GABRG3: variants seen among roughly 807,000 people sequenced by gnomAD.
GABRG3 encodes the protein gamma-aminobutyric acid receptor subunit gamma-3.
Under a neutral mutation model 48.8 loss-of-function variants are expected in GABRG3, and 25 were observed. The observed-to-expected ratio is 0.51, with a 90% CI of 0.37 to 0.72. The LOEUF is 0.72. GABRG3 is among the 30% of genes least tolerant of loss of function. The pLI is 0.00. For synonymous variants in GABRG3, 227 were observed against 217.6 expected (o/e 1.04, Z -0.38); for missense variants, 394 against 577.9 (o/e 0.68, Z 3.26).
chr15:27,104,696 G>T (rs1212804276), intron 3 of GABRG3, among the ~76,000 whole-genome samples: 1 of 152,150 alleles, frequency 6.6e-6, no homozygotes, highest in Admixed American at 6.5e-5. Context: ...AAAGCCCCAG[G>T]TGCTGTTTGC....
At chr15:27,282,918 G>A (rs557769019) in intron 3 of GABRG3, among the ~76,000 whole-genome samples, 1 of 152,146 alleles carries the variant, frequency 6.6e-6, no homozygotes, top group African/African-American at 2.4e-5. Flanking sequence ...GTAGGGAGGG[G>A]CATTCCTAAC....
At chr15:27,277,179 A>T (rs1326953072) in intron 3 of GABRG3, among the ~76,000 whole-genome samples, 1 of 152,236 alleles carries the variant, frequency 6.6e-6, no homozygotes, top group Non-Finnish European at 1.5e-5. Flanking sequence ...ACAGAGAGAC[A>T]TCTTGCAAAC....
chr15:27,394,319 AACTT>A (rs1887235094), intron 5 of GABRG3, among the ~76,000 whole-genome samples: 1 of 152,124 alleles, frequency 6.6e-6, no homozygotes, highest in Middle Eastern at 3.2e-3. Context: ...AATTAATACT[AACTT>A]TATTTTAGTA....
At chr15:27,345,550 A>G (rs1436036500) in intron 5 of GABRG3, among the ~76,000 whole-genome samples, 1 of 152,228 alleles carries the variant, frequency 6.6e-6, no homozygotes, top group Non-Finnish European at 1.5e-5. Context: ...TCACACTGTT[A>G]TAATTATTAC....
chr15:27,102,059 C>T (rs7182802), intron 3 of GABRG3, among the ~76,000 whole-genome samples: 33,768 of 151,652 alleles, frequency 0.22, 3,963 homozygotes, highest in East Asian at 0.43. Flanking sequence ...GGCCTCTCTA[C>T]GTCCATGTGA....
chr15:27,390,439 A>C (rs1896185402), intron 5 of GABRG3, among the ~76,000 whole-genome samples: 1 of 152,230 alleles, frequency 6.6e-6, no homozygotes, highest in African/African-American at 2.4e-5. Context: ...TGTTTTGATG[A>C]AATACACAAG....
intron 3 of GABRG3, among the ~76,000 whole-genome samples, chr15:27,192,495 C>T (rs1446651477): frequency 6.6e-6 from 1 of 152,122 alleles, no homozygotes; most frequent in Non-Finnish European, 1.5e-5. Context: ...TCGCTGATAC[C>T]CTTTCTTCCA....
intron 5 of GABRG3, among the ~76,000 whole-genome samples, chr15:27,408,683 G>A (rs1887709840): frequency 6.6e-6 from 1 of 152,116 alleles, no homozygotes; most frequent in Admixed American, 6.6e-5. Context: ...TGACTGCAGA[G>A]GACAATAGAA....
intron 3 of GABRG3, among the ~76,000 whole-genome samples, chr15:27,113,154 AT>A (rs1040268977): frequency 2.7e-5 from 4 of 150,700 alleles, no homozygotes; most frequent in Non-Finnish European, 5.9e-5. Flanking sequence ...GGACTATCTT[AT>A]TTTTTTTCCA....
At chr15:27,299,523 T>G (rs1014273753) in intron 3 of GABRG3, among the ~76,000 whole-genome samples, 3 of 152,166 alleles carry the variant, frequency 2.0e-5, no homozygotes, top group African/African-American at 7.2e-5. Context: ...CAGTGAGAGT[T>G]CTAATGTAAG....
At chr15:27,203,883 A>T (rs72702039) in intron 3 of GABRG3, among the ~76,000 whole-genome samples, 9,360 of 151,464 alleles carry the variant, frequency 0.062, 308 homozygotes, top group South Asian at 0.08. Flanking sequence ...TTTTTAATGG[A>T]GTTGTTTGTT....
rs553122924 is a variant in GABRG3, at chr15:27,352,941, C to T, written c.574+24053C>T. On this transcript the variant is annotated intron_variant, in intron 5 of 9. Coordinates refer to ENST00000615808, the MANE Select transcript of GABRG3 (RefSeq NM_033223.5). This position sits in a 1 kb window ranked among gnomAD's most constrained non-coding sequence, Gnocchi z 4.0. ...ATTGCTGACAATGAGCCATTGAAAG[C>T]GAGTGGATCGTTTGATGGTTGGGTG... Among the ~76,000 whole-genome samples the T allele has an allele frequency of 1.3e-5, 2 of 152,270 alleles. No homozygotes were observed. Among genetic ancestry groups the T allele is most frequent in the African/African-American group, 2.4e-5 (1 of 41,536 alleles).
At position 27,236,289 on chromosome 15, in the gene GABRG3, A is replaced by G. The variant is rs1043467302; in HGVS notation, c.271-90520A>G. Among the ~76,000 whole-genome samples the G allele has an allele frequency of 1.3e-5, 2 of 152,166 alleles. No homozygotes were observed. The highest frequency in any genetic ancestry group is 3.2e-3 in the Middle Eastern group (1 of 316). On this transcript the variant is annotated intron_variant, in intron 3 of 9. Transcript: ENST00000615808. This position sits in a 1 kb window ranked among gnomAD's most constrained non-coding sequence, Gnocchi z 4.4. ...GTCTCCCAGGGTCTACTTGCACAGC[A>G]CTGGAGGGAGACTGAAGAGCAGAGC...
chr15:27,002,615 A>G (rs1895470231), intron 2 of GABRG3, among the ~76,000 whole-genome samples: 1 of 152,016 alleles, frequency 6.6e-6, no homozygotes. Flanking sequence ...AAAACTAGAA[A>G]TAAAAGCCAT....
chr15:27,381,017 G>A (rs542607077), intron 5 of GABRG3, among the ~76,000 whole-genome samples: 45 of 152,100 alleles, frequency 3.0e-4, no homozygotes, highest in Middle Eastern at 3.4e-3. Context: ...CACCCGCCTC[G>A]GCCTCCCAAA....
intron 3 of GABRG3, among the ~76,000 whole-genome samples, chr15:27,312,266 A>AG: frequency 6.6e-6 from 1 of 152,260 alleles, no homozygotes; most frequent in African/African-American, 2.4e-5. Context: ...AGGAGCAAAA[A>AG]TAAGAAAAGA....
chr15:27,373,293 CATT>C (rs1388443047), intron 5 of GABRG3, among the ~76,000 whole-genome samples: 1 of 152,134 alleles, frequency 6.6e-6, no homozygotes, highest in Non-Finnish European at 1.5e-5. Context: ...TTTATCAACT[CATT>C]AATAAATAAG....
At chr15:27,066,951 C>T (rs1054883862) in intron 3 of GABRG3, among the ~76,000 whole-genome samples, 3 of 152,214 alleles carry the variant, frequency 2.0e-5, no homozygotes, top group African/African-American at 7.2e-5. Context: ...TACTTCAGTG[C>T]AACAGGACTT....
intron 3 of GABRG3, among the ~76,000 whole-genome samples, chr15:27,185,408 G>C (rs1039357492): frequency 6.6e-6 from 1 of 151,974 alleles, no homozygotes; most frequent in Non-Finnish European, 1.5e-5. Flanking sequence ...CTTCCTTCAT[G>C]TGTTTTCAGT....
Sources: gnomAD v4.1 joint callset for allele counts (sites outside exome capture counted in the v4.1 genomes callset) on GRCh38, gnomAD v4.1.1 for gene constraint, Gnocchi (gnomAD v3.1) non-coding constraint, MANE v1.5 for transcripts, NCBI Gene and HGNC (gene_info 2026-07-23, HGNC 2026-07-21) for gene names.